DZIP1: variants seen among roughly 807,000 people sequenced by gnomAD.
DZIP1 encodes the protein DAZ interacting zinc finger protein 1, also known as cilium assembly protein DZIP1.
DZIP1 carries 97 observed loss-of-function variants against 107.6 expected under a neutral mutation model. The ratio of observed to expected loss-of-function variants is 0.90; its 90% CI spans 0.77 to 1.07. DZIP1 has a LOEUF of 1.07. Among genes scored for constraint, DZIP1 ranks in the 50% least tolerant of loss-of-function variants. The pLI, the probability that DZIP1 is intolerant of heterozygous loss-of-function variation, is 0.00. For missense variants in DZIP1, 1,035 were observed against 1,063.6 expected (o/e 0.97, Z 0.37); for synonymous variants, 390 against 386.4 (o/e 1.01, Z -0.11).
intron 7 of DZIP1, among the ~76,000 whole-genome samples, chr13:95,626,176 C>A (rs1251570253): frequency 6.6e-6 from 1 of 151,562 alleles, no homozygotes; most frequent in African/African-American, 2.4e-5. Context: ...AAATAAATAA[C>A]CTAGCTAGAA....
Position 95,599,422 on chromosome 13 carries a change from G to A in DZIP1, c.1480C>T (p.Gln494Ter), listed in dbSNP as rs1209057331. The change falls in exon 15 of 23, where the codon CAG becomes TAG. Residue 494 changes from glutamine to a stop codon, truncating the protein, a stop_gained and splice_region_variant. Coordinates refer to ENST00000376829, the MANE Select transcript of DZIP1 (RefSeq NM_198968.4). LOFTEE classifies it high-confidence loss of function. ...TKSSLPMVHE[Q>*]AFSSHILEPI... ...TCCAGTATGTGCGACGAGAATGCCT[G>A]TTCTATTAACAAGGAAAAATAAGAA... The A allele has an allele frequency of 6.2e-7, 1 of 1,612,882 alleles. No individual in the cohort carries two copies. Among genetic ancestry groups the A allele is most frequent in the Non-Finnish European group, 8.5e-7 (1 of 1,179,036 alleles).
rs2044242205 is a variant in DZIP1 at position 95,589,138 on chromosome 13, C to T, written c.2027+16G>A. On this transcript the variant is annotated intron_variant, in intron 19 of 22. Transcript: ENST00000376829. ...ATAATTTTTTAAATGACCCTCCCAT[C>T]CCTGTCAATACTCACGTAATAGTTG... 1 of 1,599,740 alleles carries T rather than the reference C, an allele frequency of 6.3e-7. No homozygotes were observed. Among genetic ancestry groups the T allele is most frequent in the East Asian group, 2.2e-5 (1 of 44,572 alleles).
chr13:95,629,839 A>C, intron 7 of DZIP1, 150 bp downstream of exon 7: 1 of 698,090 alleles, frequency 1.4e-6, no homozygotes, highest in Non-Finnish European at 2.1e-6. Context: ...CTTTGTAGTA[A>C]GATACTAAAG....
In DZIP1 at chr13:95,632,687, C is replaced by T. The variant is rs74541967; in HGVS notation, c.685+547G>A. 6.5e-3 allele frequency among the ~76,000 whole-genome samples: 997 copies of T among 152,304 alleles called. 9 individuals are homozygous for T. The highest frequency in any genetic ancestry group is 0.023 in the African/African-American group (956 of 41,564). ...TATAAAAACTCCACATTCCAGCCCACGCCTTCACGGCTTCCTGTGATCAGG... is the reference window on the plus strand; with the variant it reads ...TATAAAAACTCCACATTCCAGCCCATGCCTTCACGGCTTCCTGTGATCAGG... On this transcript the variant is annotated intron_variant, in intron 6 of 22. Coordinates refer to ENST00000376829, the MANE Select transcript of DZIP1 (RefSeq NM_198968.4).
At chr13:95,608,907 G>T (rs908492682) in intron 13 of DZIP1, among the ~76,000 whole-genome samples, 3 of 152,192 alleles carry the variant, frequency 2.0e-5, no homozygotes, top group Admixed American at 2.0e-4. Flanking sequence ...ACTCCTTCCT[G>T]AATGGAAGCA....
At chr13:95,617,408 T>G (rs891991335) in intron 10 of DZIP1, among the ~76,000 whole-genome samples, 2 of 151,932 alleles carry the variant, frequency 1.3e-5, no homozygotes, top group African/African-American at 4.8e-5. Context: ...GATGACACTC[T>G]CAATGCAGCC....
rs1470478191 is a variant in DZIP1, at chr13:95,580,320, TAGTG to T, written c.*1910_*1913del. On this transcript the variant is annotated 3_prime_UTR_variant, in exon 23 of 23. Coordinates refer to ENST00000376829, the MANE Select transcript of DZIP1 (RefSeq NM_198968.4). The stretch of plus-strand genomic sequence containing the variant: ...CCACTGCGCTCAAGCCTGGGCAACA[TAGTG>T]AGACTCTGTCTCAAAAAAAAAAAAA... 2 of 129,990 alleles carry T rather than the reference TAGTG, an allele frequency of 1.5e-5. No individual in the cohort carries two copies. Among genetic ancestry groups the T allele is most frequent in the African/African-American group, 6.0e-5 (2 of 33,182 alleles). The allele number at this position is 129,990 out of a possible 1,614,324, so 8.1% of individuals were successfully genotyped here.
At chr13:95,616,722 C>A (rs1281921658) in intron 10 of DZIP1, among the ~76,000 whole-genome samples, 1 of 152,016 alleles carries the variant, frequency 6.6e-6, no homozygotes, top group Non-Finnish European at 1.5e-5. Context: ...AAGGTTGTAC[C>A]CCTGGTGTAC....
At chr13:95,628,192 GCCA>G (rs940488428) in intron 7 of DZIP1, among the ~76,000 whole-genome samples, 5 of 151,964 alleles carry the variant, frequency 3.3e-5, no homozygotes, top group Admixed American at 1.3e-4. Context: ...ACAAGCGCAT[GCCA>G]CCACACTTAG....
intron 19 of DZIP1, chr13:95,588,033 C>G (rs1244538777): frequency 4.4e-6 from 1 of 229,224 alleles, no homozygotes; most frequent in African/African-American, 2.3e-5. Flanking sequence ...TTTTCACACA[C>G]CTAAGAAAAA....
intron 10 of DZIP1, chr13:95,618,120 G>T: frequency 2.0e-6 from 1 of 490,994 alleles, no homozygotes. Flanking sequence ...TCCACACACA[G>T]CCCTAATCCC....
chr13:95,641,486 C>T lies in DZIP1; in HGVS notation c.406G>A (p.Glu136Lys). Residue 136 changes from glutamate to lysine, a missense_variant, in exon 5 of 23, where the codon GAG becomes AAG. Transcript: ENST00000376829. The surrounding 1 kb of genome is among the most constrained non-coding windows in gnomAD (Gnocchi z 4.3). ...FTIEYLLHSQ[E>K]FLTSQLHTLE... ...GTGTGCAGCTGCGAGGTGAGGAACT[C>T]TTGTGAGTGCAGCAAGTACTCGATG... 6.2e-7 allele frequency: 1 copy of T among 1,614,124 alleles called. No homozygotes were observed. The highest frequency in any genetic ancestry group is 8.5e-7 in the Non-Finnish European group (1 of 1,180,010).
chr13:95,641,548 G>C lies in DZIP1; in HGVS notation c.344C>G (p.Pro115Arg). Residue 115 changes from proline to arginine, a missense_variant, in exon 5 of 23, where the codon CCG becomes CGG. Transcript: ENST00000376829. This position sits in a 1 kb window ranked among gnomAD's most constrained non-coding sequence, Gnocchi z 4.3. ...CAGACGGATGAGCTTCAGCAGCACCGGGTCCACCCCCGACTGGCAGTGTGG... is the reference window on the plus strand; with the variant it reads ...CAGACGGATGAGCTTCAGCAGCACCCGGTCCACCCCCGACTGGCAGTGTGG... The part of the protein sequence containing the change: ...KCPHCQSGVD[P>R]VLLKLIRLAQ... The C allele has an allele frequency of 1.9e-6, 3 of 1,613,906 alleles. No homozygotes were observed. The highest frequency in any genetic ancestry group is 2.5e-6 in the Non-Finnish European group (3 of 1,180,036).
Position 95,630,096 on chromosome 13 carries a change from G to A in DZIP1, c.703C>T (p.Gln235Ter). ...ATCTCACTCCGGAGCTTCTCAATCT[G>A]TGCATTTTTCTGATACTCTGTTGCA... ...NSHFEYQKNA[Q>*]IEKLRSEIVV... The change falls in exon 7 of 23, where the codon CAG becomes TAG. Residue 235 changes from glutamine to a stop codon, truncating the protein, a stop_gained. Transcript: ENST00000376829. LOFTEE classifies it high-confidence loss of function. 1 of 1,609,886 alleles carries A rather than the reference G, an allele frequency of 6.2e-7. No homozygotes were observed. Among genetic ancestry groups the A allele is most frequent in the Non-Finnish European group, 8.5e-7 (1 of 1,178,896 alleles).
chr13:95,605,887 T>G (rs2044757121), intron 14 of DZIP1, 116 bp downstream of exon 14: 1 of 1,090,062 alleles, frequency 9.2e-7, no homozygotes, highest in Middle Eastern at 2.6e-4. Flanking sequence ...TTGCAATCAC[T>G]AAAATGTTTC....
chr13:95,633,316 A>G lies in DZIP1; in HGVS notation c.603T>C (p.His201=). The G allele has an allele frequency of 6.2e-7, 1 of 1,614,044 alleles. No homozygotes were observed. The highest frequency in any genetic ancestry group is 1.1e-5 in the South Asian group (1 of 91,076). The stretch of plus-strand genomic sequence containing the variant: ...GGTTCATAAAGGCCTTGTCACAAAA[A>G]TGGCACTGAAAAGGAGAGAGCAACA... ...IEAKANYYQC[H]FCDKAFMNQA... is the part of the protein sequence containing the mutation. The change falls in exon 6 of 23, where the codon CAT becomes CAC. Residue 201 remains histidine, a synonymous_variant. Transcript: ENST00000376829.
At position 95,581,927 on chromosome 13, in the gene DZIP1, GA is replaced by G; in HGVS notation, c.*306del. 4.5e-6 allele frequency: 1 copy of G among 220,782 alleles called. No homozygotes were observed. Among genetic ancestry groups the G allele is most frequent in the Non-Finnish European group, 8.8e-6 (1 of 113,660 alleles). The allele number at this position is 220,782 out of a possible 1,614,324, so 13.7% of individuals were successfully genotyped here. A position where few individuals can be genotyped will look rare whatever the true frequency, so the allele number is the denominator to read the frequency against. Reference sequence around the variant, plus strand: ...AAAAAAATTCACTAAAAAATTAGTTGAAAAAAATACACTTAACACTAGAGTA... The same window carrying G: ...AAAAAAATTCACTAAAAAATTAGTTGAAAAAATACACTTAACACTAGAGTA... On this transcript the variant is annotated 3_prime_UTR_variant, in exon 23 of 23. Coordinates refer to ENST00000376829, the MANE Select transcript of DZIP1 (RefSeq NM_198968.4).
chr13:95,605,098 T>G (rs1000063797), intron 14 of DZIP1, among the ~76,000 whole-genome samples: 2 of 152,180 alleles, frequency 1.3e-5, no homozygotes, highest in Non-Finnish European at 2.9e-5. Context: ...AATAAACACT[T>G]CAAGAGTCAG....
At chr13:95,605,911 A>G in intron 14 of DZIP1, 92 bp downstream of exon 14, 6 of 1,271,322 alleles carry the variant, frequency 4.7e-6, no homozygotes, top group Non-Finnish European at 6.7e-6. Flanking sequence ...TTTTATTATT[A>G]ATTACCTCCA....
Sources: gnomAD v4.1 joint callset for allele counts (sites outside exome capture counted in the v4.1 genomes callset) on GRCh38, gnomAD v4.1.1 for gene constraint, Gnocchi (gnomAD v3.1) non-coding constraint, MANE v1.5 for transcripts, NCBI Gene and HGNC (gene_info 2026-07-23, HGNC 2026-07-21) for gene names.